Variants in TUSC3 observed in about 807,000 individuals in gnomAD.
The protein encoded by TUSC3 is tumor suppressor candidate 3, also known as dolichyl-diphosphooligosaccharide--protein glycosyltransferase subunit TUSC3.
A neutral mutation model predicts 44.8 loss-of-function variants in TUSC3; 45 were observed. The ratio of observed to expected loss-of-function variants is 1.00; its 90% CI spans 0.79 to 1.29. The LOEUF is 1.29. Among genes scored for constraint, TUSC3 ranks in the 50% most tolerant of loss-of-function variants. TUSC3 has a pLI of 0.00. For missense variants in TUSC3, 519 were observed against 437.9 expected (o/e 1.19, Z -1.65); for synonymous variants, 212 against 152.9 (o/e 1.39, Z -2.85).
chr8:15,826,280 G>T, the TUSC3 span, among the ~76,000 whole-genome samples: 1 of 152,180 alleles, frequency 6.6e-6, no homozygotes, highest in East Asian at 1.9e-4. Flanking sequence ...ATTTAAGTAC[G>T]AATGGGATTT....
chr8:15,847,639 CTT>C, the TUSC3 span, among the ~76,000 whole-genome samples: 1 of 152,114 alleles, frequency 6.6e-6, no homozygotes, highest in Non-Finnish European at 1.5e-5. Flanking sequence ...GGAAAGCTAA[CTT>C]GTCCATTTTT....
chr8:15,655,667 C>T (rs114799898), intron 3 of TUSC3, among the ~76,000 whole-genome samples: 5 of 152,146 alleles, frequency 3.3e-5, no homozygotes, highest in Non-Finnish European at 7.3e-5. Context: ...TGCTTTATAA[C>T]CCTCAGATGA....
chr8:15,617,996 A>G (rs1361037631), intron 1 of TUSC3, among the ~76,000 whole-genome samples: 3 of 152,208 alleles, frequency 2.0e-5, no homozygotes, highest in Non-Finnish European at 4.4e-5. Flanking sequence ...AGGCAGTCGT[A>G]ACACAATAAG....
At chr8:15,599,691 A>G (rs1585140210) in intron 1 of TUSC3, among the ~76,000 whole-genome samples, 1 of 136,454 alleles carries the variant, frequency 7.3e-6, no homozygotes, top group Non-Finnish European at 1.6e-5. Context: ...GCTCCGTTAT[A>G]TTGCTTGTGG....
intron 10 of TUSC3, chr8:15,758,203 C>A: frequency 9.8e-7 from 1 of 1,018,636 alleles, no homozygotes; most frequent in Non-Finnish European, 1.2e-6. Context: ...AAAAATGTAG[C>A]CAAATCTTTT....
At chr8:15,583,909 G>A (rs898900783) in intron 1 of TUSC3, among the ~76,000 whole-genome samples, 1 of 152,150 alleles carries the variant, frequency 6.6e-6, no homozygotes, top group Non-Finnish European at 1.5e-5. Context: ...GAAAAATCAG[G>A]AAAGGAAATA....
chr8:15,670,836 AAAC>A (rs1250425849), intron 5 of TUSC3, among the ~76,000 whole-genome samples: 1 of 151,956 alleles, frequency 6.6e-6, no homozygotes, highest in Non-Finnish European at 1.5e-5. Context: ...AATCTTGACA[AAAC>A]AAGAATAAGA....
chr8:15,725,372 A>G (rs1215410862), intron 6 of TUSC3, among the ~76,000 whole-genome samples: 1 of 152,204 alleles, frequency 6.6e-6, no homozygotes, highest in Non-Finnish European at 1.5e-5. Flanking sequence ...TTAATCAAAC[A>G]CGTTTGTTAG....
chr8:15,662,339 G>T (rs1342527785), intron 5 of TUSC3, 43 bp downstream of exon 5: 1 of 1,609,660 alleles, frequency 6.2e-7, no homozygotes. Context: ...TGTTCTTTGT[G>T]TAATAATATA....
At chr8:15,737,608 G>T (rs1395503440) in intron 7 of TUSC3, among the ~76,000 whole-genome samples, 1 of 152,158 alleles carries the variant, frequency 6.6e-6, no homozygotes, top group East Asian at 1.9e-4. Context: ...GCCAAAGTAT[G>T]TGTGTATAGG....
At chr8:15,478,652 C>T (rs936987478) in intron 1 of TUSC3, among the ~76,000 whole-genome samples, 1 of 152,028 alleles carries the variant, frequency 6.6e-6, no homozygotes, top group Non-Finnish European at 1.5e-5. Flanking sequence ...ATATATATCC[C>T]TACCACATTT....
chr8:15,732,252 T>C (rs1343174397), intron 7 of TUSC3, among the ~76,000 whole-genome samples: 1 of 152,142 alleles, frequency 6.6e-6, no homozygotes, highest in Non-Finnish European at 1.5e-5. Context: ...TAATCCCCAC[T>C]TGTCATGGGA....
At chr8:15,823,284 A>G in the TUSC3 span, among the ~76,000 whole-genome samples, 2 of 152,036 alleles carry the variant, frequency 1.3e-5, no homozygotes, top group Non-Finnish European at 2.9e-5. Context: ...GTGAAGTCCA[A>G]ATTTGTCGTT....
chr8:15,669,851 C>T (rs988775714), intron 5 of TUSC3, among the ~76,000 whole-genome samples: 1 of 151,596 alleles, frequency 6.6e-6, no homozygotes, highest in African/African-American at 2.4e-5. Flanking sequence ...AAAAAACCCA[C>T]ACACATCCCG....
chr8:15,605,988 C>G (rs1291474072), intron 1 of TUSC3, among the ~76,000 whole-genome samples: 1 of 151,960 alleles, frequency 6.6e-6, no homozygotes, highest in Non-Finnish European at 1.5e-5. Context: ...TTGCATATTG[C>G]AGTAAACAGT....
At position 15,757,720 on chromosome 8, in the gene TUSC3, T is replaced by G. The variant is rs908710179; in HGVS notation, c.1029-71T>G. 3 of 1,471,078 alleles carry G rather than the reference T, an allele frequency of 2.0e-6. No homozygotes were observed. In the African/African-American group the frequency reaches 4.2e-5, roughly 20 times the overall value. 91.1% of individuals were successfully genotyped at this position (1,471,078 alleles called of 1,614,324 possible). A position where few individuals can be genotyped will look rare whatever the true frequency, so the allele number is the denominator to read the frequency against. On this transcript the variant is annotated intron_variant, in intron 9 of 10. Transcript: ENST00000503731. Reference sequence around the variant, plus strand: ...AGTGCTAAATCTTGTAATAATATTGTACAAATGGAAATTCAATCTTAAGGA... The same window carrying G: ...AGTGCTAAATCTTGTAATAATATTGGACAAATGGAAATTCAATCTTAAGGA...
At chr8:15,562,466 T>C (rs1437170876) in intron 1 of TUSC3, among the ~76,000 whole-genome samples, 1 of 152,248 alleles carries the variant, frequency 6.6e-6, no homozygotes, top group Non-Finnish European at 1.5e-5. Flanking sequence ...GCATAAAAAA[T>C]TGCCACAATT....
chr8:15,501,900 T>G, intron 2 of TUSC3, among the ~76,000 whole-genome samples: 1 of 152,360 alleles, frequency 6.6e-6, no homozygotes, highest in Middle Eastern at 3.4e-3. Flanking sequence ...TTATCCTACC[T>G]GTGTCCACCT....
intron 5 of TUSC3, among the ~76,000 whole-genome samples, chr8:15,667,755 A>G (rs1409645406): frequency 2.0e-5 from 3 of 151,690 alleles, no homozygotes; most frequent in African/African-American, 4.8e-5. Context: ...GAAAGCATGT[A>G]ATAGTTATTT....
Sources: allele counts gnomAD v4.1 joint callset (sites outside exome capture counted in the v4.1 genomes callset), GRCh38; gene constraint gnomAD v4.1.1; transcripts MANE v1.5; gene names NCBI Gene and HGNC (gene_info 2026-07-23, HGNC 2026-07-21).